Variants in TENM3 observed in about 807,000 individuals in gnomAD.
TENM3 encodes teneurin transmembrane protein 3, also known as teneurin-3.
TENM3 carries 63 observed loss-of-function variants against 255.1 expected under a neutral mutation model. The observed-to-expected ratio is 0.25, with a 90% CI of 0.20 to 0.30. TENM3 has a LOEUF of 0.30. TENM3 is among the 10% of genes least tolerant of loss of function. TENM3 has a pLI of 1.00. For synonymous variants in TENM3, 1,306 were observed against 1,322.3 expected, an observed-to-expected ratio of 0.99 and a Z score of 0.27; for missense variants, 2,929 against 3,461.1, an observed-to-expected ratio of 0.85 and a Z score of 3.86.
At chr4:181,488,336 A>C in the TENM3 span, among the ~76,000 whole-genome samples, 1 of 152,174 alleles carries the variant, frequency 6.6e-6, no homozygotes, top group African/African-American at 2.4e-5. Flanking sequence ...GGGGTTTGGC[A>C]GCAAGTCTTT....
the TENM3 span, among the ~76,000 whole-genome samples, chr4:181,850,179 C>T: frequency 6.6e-6 from 1 of 151,084 alleles, no homozygotes; most frequent in Non-Finnish European, 1.5e-5. Context: ...TTTATTTTTA[C>T]TTATTTCTAC....
At chr4:181,695,342 C>G in the TENM3 span, among the ~76,000 whole-genome samples, 117,805 of 152,084 alleles carry the variant, frequency 0.77, 46,124 homozygotes, top group Admixed American at 0.87. Context: ...GGTAACAGAG[C>G]CAACAGAGGG....
the TENM3 span, among the ~76,000 whole-genome samples, chr4:181,695,722 A>G: frequency 1.3e-5 from 2 of 152,178 alleles, no homozygotes; most frequent in African/African-American, 2.4e-5. Context: ...ACAGACACAG[A>G]TTATTTTATG....
intron 2 of TENM3, among the ~76,000 whole-genome samples, chr4:182,344,087 GA>G (rs1764645261): frequency 7.2e-6 from 1 of 138,554 alleles, no homozygotes; most frequent in Non-Finnish European, 1.6e-5. Flanking sequence ...TTTTTTAAGT[GA>G]TTTTTTTCAT....
the TENM3 span, among the ~76,000 whole-genome samples, chr4:181,867,597 G>A: frequency 2.0e-5 from 3 of 152,174 alleles, no homozygotes; most frequent in African/African-American, 7.2e-5. Flanking sequence ...CCTGGTACAT[G>A]CAAAGATAGC....
intron 1 of TENM3, among the ~76,000 whole-genome samples, chr4:182,265,679 C>T (rs959540991): frequency 6.6e-6 from 1 of 152,174 alleles, no homozygotes; most frequent in Admixed American, 6.5e-5. Context: ...GCAAATAAAA[C>T]ATCTTACAAC....
At chr4:182,012,353 A>G in the TENM3 span, among the ~76,000 whole-genome samples, 2 of 152,168 alleles carry the variant, frequency 1.3e-5, no homozygotes, top group East Asian at 1.9e-4. Flanking sequence ...GCAGTACTTA[A>G]TATTTCCTTA....
At chr4:181,910,398 C>G in the TENM3 span, among the ~76,000 whole-genome samples, 20 of 151,852 alleles carry the variant, frequency 1.3e-4, no homozygotes, top group African/African-American at 4.8e-4. Flanking sequence ...AACCCCGCCT[C>G]TACTAAAAAT....
chr4:182,568,531 AT>A (rs1260625746), intron 3 of TENM3, among the ~76,000 whole-genome samples: 2 of 152,216 alleles, frequency 1.3e-5, no homozygotes, highest in Non-Finnish European at 2.9e-5. Flanking sequence ...ATGTAGAGTA[AT>A]TGGAGCTTTC....
chr4:181,669,182 A>G, the TENM3 span, among the ~76,000 whole-genome samples: 112,631 of 152,102 alleles, frequency 0.74, 42,234 homozygotes, highest in African/African-American at 0.82. Context: ...ATTTGGTAAC[A>G]ATAATAGTTA....
the TENM3 span, among the ~76,000 whole-genome samples, chr4:181,643,356 G>C: frequency 6.6e-6 from 1 of 152,172 alleles, no homozygotes; most frequent in South Asian, 2.1e-4. Context: ...CTGAGACTTT[G>C]CTGAAGTTGC....
At chr4:182,367,528 A>AGAAG (rs1766515001) in intron 3 of TENM3, among the ~76,000 whole-genome samples, 1 of 152,180 alleles carries the variant, frequency 6.6e-6, no homozygotes, top group Non-Finnish European at 1.5e-5. Flanking sequence ...TGAATAGAGT[A>AGAAG]GAAGGAACAA....
In TENM3 at chr4:182,323,971, A is replaced by T; in HGVS notation, c.-50A>T. ...AGAGGCCAATGAGACTTGAACCCTG[A>T]GCCTAAGTTGTCACCAGCAGGACTG... is the stretch of plus-strand genomic sequence containing the variant. On this transcript the variant is annotated 5_prime_UTR_variant, in exon 2 of 28. It removes the in-frame stop codon of an upstream open reading frame in the 5' UTR. Coordinates refer to ENST00000511685, the MANE Select transcript of TENM3 (RefSeq NM_001080477.4). The T allele has an allele frequency of 6.6e-7, 1 of 1,525,880 alleles. No individual in the cohort carries two copies. Among genetic ancestry groups the T allele is most frequent in the Non-Finnish European group, 9.0e-7 (1 of 1,112,950 alleles). 94.5% of individuals were successfully genotyped at this position (1,525,880 alleles called of 1,614,324 possible).
At chr4:182,004,715 T>C in the TENM3 span, among the ~76,000 whole-genome samples, 1 of 152,208 alleles carries the variant, frequency 6.6e-6, no homozygotes, top group Non-Finnish European at 1.5e-5. Flanking sequence ...TTCCTATTTC[T>C]TCACAGCCTC....
At chr4:182,745,685 C>T (rs1009228298) in intron 19 of TENM3, among the ~76,000 whole-genome samples, 7 of 152,122 alleles carry the variant, frequency 4.6e-5, no homozygotes, top group Admixed American at 6.5e-5. Flanking sequence ...GTTCTTTCCA[C>T]GGCACCACAC....
the TENM3 span, among the ~76,000 whole-genome samples, chr4:181,984,324 C>A: frequency 2.0e-5 from 3 of 152,098 alleles, no homozygotes; most frequent in Non-Finnish European, 4.4e-5. Flanking sequence ...ATCTGCATGT[C>A]TTTTTAACCA....
At chr4:181,605,721 C>T in the TENM3 span, among the ~76,000 whole-genome samples, 1 of 152,036 alleles carries the variant, frequency 6.6e-6, no homozygotes, top group Non-Finnish European at 1.5e-5. Context: ...TAGAAAAGTA[C>T]TAGAATAGAA....
At chr4:182,415,823 T>C (rs1288934915) in intron 3 of TENM3, among the ~76,000 whole-genome samples, 4 of 152,176 alleles carry the variant, frequency 2.6e-5, no homozygotes, top group African/African-American at 9.7e-5. Flanking sequence ...GTTTTTTCAA[T>C]TGTGACCTGT....
At chr4:181,837,401 AT>A in the TENM3 span, among the ~76,000 whole-genome samples, 3 of 152,084 alleles carry the variant, frequency 2.0e-5, no homozygotes, top group African/African-American at 7.2e-5. Flanking sequence ...TGAATATTAC[AT>A]TTTATCACAG....
Sources: gnomAD v4.1 joint callset for allele counts (sites outside exome capture counted in the v4.1 genomes callset) on GRCh38, gnomAD v4.1.1 for gene constraint, MANE v1.5 for transcripts, NCBI Gene and HGNC (gene_info 2026-07-23, HGNC 2026-07-21) for gene names.